CHD7: variants seen among roughly 807,000 people sequenced by gnomAD.
CHD7 encodes the protein ATP-dependent chromatin remodeler CHD7.
Under a neutral mutation model 307.3 loss-of-function variants are expected in CHD7, and 24 were observed. That is an observed-to-expected ratio of 0.08 (90% CI 0.06 to 0.11). The LOEUF (loss-of-function observed/expected upper bound fraction) is 0.11, where lower values mean the gene tolerates loss of function less well. Among genes scored for constraint, CHD7 ranks in the 10% least tolerant of loss-of-function variants. The pLI is 1.00. For synonymous variants in CHD7, 1,363 were observed against 1,349.9 expected (o/e 1.01, Z -0.21); for missense variants, 3,106 against 3,727.1 (o/e 0.83, Z 4.34).
intron 7 of CHD7, among the ~76,000 whole-genome samples, chr8:60,815,499 C>T (rs1803686541): frequency 6.6e-6 from 1 of 152,052 alleles, no homozygotes; most frequent in Admixed American, 6.5e-5. Context: ...AAGAACTAAG[C>T]AAAAGAATGT....
chr8:60,710,234 C>CTTTTTTTTTTTTT (rs35355868), intron 1 of CHD7, among the ~76,000 whole-genome samples: 1 of 141,926 alleles, frequency 7.0e-6, no homozygotes. Flanking sequence ...GAAATGAAAA[C>CTTTTTTTTTTTTT]TTTTTTTTTT....
chr8:60,749,702 G>C (rs1678427479), intron 2 of CHD7, among the ~76,000 whole-genome samples: 1 of 152,150 alleles, frequency 6.6e-6, no homozygotes, highest in South Asian at 2.1e-4. Context: ...ATTGGAGCAG[G>C]TTGCCCCATC....
intron 4 of CHD7, among the ~76,000 whole-genome samples, chr8:60,796,899 A>G (rs1452330183): frequency 2.6e-5 from 4 of 152,254 alleles, no homozygotes; most frequent in East Asian, 1.9e-4. Context: ...ACTAAGGTAC[A>G]TGTCATATAA....
At chr8:60,848,056 T>C (rs1210280430) in intron 23 of CHD7, among the ~76,000 whole-genome samples, 2 of 152,248 alleles carry the variant, frequency 1.3e-5, no homozygotes, top group East Asian at 3.8e-4. Context: ...CCAGATTTTA[T>C]ATCTCATTTA....
Position 60,818,336 on chromosome 8 carries a change from GA to G in CHD7, c.2614-1670del, listed in dbSNP as rs145243285. Among the ~76,000 whole-genome samples the G allele has an allele frequency of 6.3e-3, 963 of 152,330 alleles. 12 individuals are homozygous for G. The highest frequency in any genetic ancestry group is 0.022 in the African/African-American group (930 of 41,570). ...ATTTCGTCACATGTGTGATGCCGCAGATTACTCACTTAAAGGGTAGAAATGT... is the reference window on the plus strand; with the variant it reads ...ATTTCGTCACATGTGTGATGCCGCAGTTACTCACTTAAAGGGTAGAAATGT... On this transcript the variant is annotated intron_variant, in intron 8 of 37. Coordinates refer to ENST00000423902, the MANE Select transcript of CHD7 (RefSeq NM_017780.4).
In CHD7 at chr8:60,678,767, G is replaced by GGCGGCA. The variant is rs1394014480; in HGVS notation, c.-485_-484insAGCGGC. Reference sequence around the variant, plus strand: ...GCAGGCGCTGGCGTGCTGGGGCCGCGGCGGCGGCGGCGGCGGCGGCGGCAG... The same window carrying GGCGGCA: ...GCAGGCGCTGGCGTGCTGGGGCCGCGGCGGCAGCGGCGGCGGCGGCGGCGGCGGCAG... On this transcript the variant is annotated 5_prime_UTR_variant, in exon 1 of 38. Coordinates refer to ENST00000423902, the MANE Select transcript of CHD7 (RefSeq NM_017780.4). 7.2e-6 allele frequency: 1 copy of GGCGGCA among 138,608 alleles called. No homozygotes were observed. Among genetic ancestry groups the GGCGGCA allele is most frequent in the South Asian group, 2.1e-4 (1 of 4,738 alleles). 8.6% of individuals were successfully genotyped at this position (138,608 alleles called of 1,614,324 possible). A position where few individuals can be genotyped will look rare whatever the true frequency, so the allele number is the denominator to read the frequency against.
intron 2 of CHD7, among the ~76,000 whole-genome samples, chr8:60,750,904 AC>A (rs1809610136): frequency 1.3e-5 from 2 of 152,352 alleles, no homozygotes; most frequent in South Asian, 4.1e-4. Flanking sequence ...GACAGGTGTT[AC>A]CCACCTTTGC....
chr8:60,698,189 G>C (rs1806580103), intron 1 of CHD7, among the ~76,000 whole-genome samples: 1 of 152,210 alleles, frequency 6.6e-6, no homozygotes, highest in South Asian at 2.1e-4. Flanking sequence ...ATAAGCAAAA[G>C]TAGGAAAATG....
At chr8:60,725,392 C>A (rs1204288634) in intron 1 of CHD7, among the ~76,000 whole-genome samples, 1 of 152,160 alleles carries the variant, frequency 6.6e-6, no homozygotes, top group Non-Finnish European at 1.5e-5. Context: ...CCAAAGTGTA[C>A]CATCAAGACA....
At chr8:60,718,984 A>G (rs1807758741) in intron 1 of CHD7, among the ~76,000 whole-genome samples, 1 of 152,228 alleles carries the variant, frequency 6.6e-6, no homozygotes, top group African/African-American at 2.4e-5. Context: ...CCTAGGAGCA[A>G]TAGGCTGTAT....
At chr8:60,824,310 C>T (rs370229991) in intron 13 of CHD7, 4 of 401,888 alleles carry the variant, frequency 1.0e-5, no homozygotes, top group East Asian at 3.5e-5. Context: ...GTTGATCATA[C>T]CAAATACAAA....
At chr8:60,704,546 T>A (rs1415404772) in intron 1 of CHD7, among the ~76,000 whole-genome samples, 1 of 151,678 alleles carries the variant, frequency 6.6e-6, no homozygotes, top group South Asian at 2.1e-4. Flanking sequence ...TTACTCTGGT[T>A]GCACCATGTG....
At chr8:60,807,165 T>C (rs1196509052) in intron 6 of CHD7, among the ~76,000 whole-genome samples, 7 of 152,256 alleles carry the variant, frequency 4.6e-5, no homozygotes, top group African/African-American at 1.4e-4. Context: ...GCCAGTCTGT[T>C]ATCCAGTAGA....
At chr8:60,817,962 G>T (rs1048826628) in intron 8 of CHD7, among the ~76,000 whole-genome samples, 1 of 152,156 alleles carries the variant, frequency 6.6e-6, no homozygotes, top group African/African-American at 2.4e-5. Context: ...TCTCTCTCCT[G>T]TAGTCACACT....
chr8:60,837,066 T>G (rs1196915800), intron 17 of CHD7, 54 bp downstream of exon 17: 1 of 1,406,936 alleles, frequency 7.1e-7, no homozygotes, highest in African/African-American at 1.4e-5. Context: ...TTCTGCTTAC[T>G]ATGACAGAGA....
intron 1 of CHD7, among the ~76,000 whole-genome samples, chr8:60,735,692 A>G (rs185340601): frequency 6.6e-6 from 1 of 152,384 alleles, no homozygotes; most frequent in East Asian, 1.9e-4. Flanking sequence ...CTTTAAAAGA[A>G]TACTAATCTC....
chr8:60,865,488 A>G lies in CHD7; in HGVS notation c.8549A>G (p.Asn2850Ser). The change falls in exon 38 of 38, where the codon AAT (asparagine) becomes AGT (serine). Residue 2850 changes from asparagine to serine, a missense_variant. Coordinates refer to ENST00000423902, the MANE Select transcript of CHD7 (RefSeq NM_017780.4). This position sits in a 1 kb window ranked among gnomAD's most constrained non-coding sequence, Gnocchi z 4.3. Reference sequence around the variant, plus strand: ...AAAGGAGAGGAGAAAGGAAATGAGAATGAAGACGAGAACAAAGACTCTGAG... The same window carrying G: ...AAAGGAGAGGAGAAAGGAAATGAGAGTGAAGACGAGAACAAAGACTCTGAG... ...TSKGEEKGNE[N>S]EDENKDSEKS... 1.2e-6 allele frequency: 2 copies of G among 1,614,022 alleles called. No homozygotes were observed. Among genetic ancestry groups the G allele is most frequent in the Non-Finnish European group, 1.7e-6 (2 of 1,179,868 alleles).
chr8:60,806,507 A>G (rs1812543302), intron 6 of CHD7, among the ~76,000 whole-genome samples: 1 of 152,250 alleles, frequency 6.6e-6, no homozygotes, highest in Non-Finnish European at 1.5e-5. Context: ...TCTTGAAGCC[A>G]TCCAACAAAC....
chr8:60,801,564 A>G lies in CHD7; in HGVS notation c.2413A>G (p.Ile805Val). ...TGCAGAAGGCCCAGTGGTAGAAAAAATTATGAGCAGTCGTTCAGTAAAAAA... is the reference window on the plus strand; with the variant it reads ...TGCAGAAGGCCCAGTGGTAGAAAAAGTTATGAGCAGTCGTTCAGTAAAAAA... ...VDAEGPVVEK[I>V]MSSRSVKKQK... The change falls in exon 6 of 38, where the codon ATT becomes GTT. Residue 805 changes from isoleucine (I) to valine (V), a missense_variant. This residue lies in a region of CHD7 where 188 missense variants were observed against 261.7 expected (regional missense o/e 0.72). Coordinates refer to ENST00000423902, the MANE Select transcript of CHD7 (RefSeq NM_017780.4). The G allele has an allele frequency of 6.3e-7, 1 of 1,575,840 alleles. No homozygotes were observed. The highest frequency in any genetic ancestry group is 2.3e-5 in the East Asian group (1 of 43,298).
Sources: gnomAD v4.1 joint callset for allele counts (sites outside exome capture counted in the v4.1 genomes callset) on GRCh38, gnomAD v4.1.1 for gene constraint, gnomAD v4.1.1 regional missense constraint, Gnocchi (gnomAD v3.1) non-coding constraint, MANE v1.5 for transcripts, NCBI Gene and HGNC (gene_info 2026-07-23, HGNC 2026-07-21) for gene names.